The following GRID2 variants were observed in gnomAD, a reference collection of about 807,000 sequenced individuals.
GRID2 encodes the protein glutamate ionotropic receptor delta type subunit 2, also known as glutamate receptor ionotropic, delta-2.
A neutral mutation model predicts 114.8 loss-of-function variants in GRID2; 33 were observed. The observed-to-expected ratio is 0.29, with a 90% confidence interval of 0.22 to 0.38. The LOEUF (loss-of-function observed/expected upper bound fraction) is 0.38. GRID2 is among the 10% of genes least tolerant of loss of function. The probability of loss-of-function intolerance (pLI) is 1.00; values close to 1 mark genes in which losing one functional copy is unlikely to be tolerated. For synonymous variants in GRID2, 505 were observed against 449.9 expected, an observed-to-expected ratio of 1.12 and a Z score of -1.55; for missense variants, 1,184 against 1,257.7, an observed-to-expected ratio of 0.94 and a Z score of 0.89.
Position 93,371,008 on chromosome 4 carries a change from C to T in GRID2, c.1246-24599C>T, listed in dbSNP as rs1040608145. Reference sequence around the variant, plus strand: ...CAAATTAAGCAAAATACTTCTAGGACCAGGAACTCAATATGGAGACACTCC... The same window carrying T: ...CAAATTAAGCAAAATACTTCTAGGATCAGGAACTCAATATGGAGACACTCC... On this transcript the variant is annotated intron_variant, in intron 8 of 15. Coordinates refer to ENST00000282020, the MANE Select transcript of GRID2 (RefSeq NM_001510.4). 3.3e-5 allele frequency among the ~76,000 whole-genome samples: 5 copies of T among 152,200 alleles called. No homozygotes were observed. The South Asian group carries it at 8.3e-4, about 25-fold the overall frequency.
chr4:93,004,650 T>C (rs534384015), intron 2 of GRID2, among the ~76,000 whole-genome samples: 105 of 152,110 alleles, frequency 6.9e-4, no homozygotes, highest in African/African-American at 2.5e-3. Flanking sequence ...ACTCTTCTAA[T>C]GAGTGTCACA....
At chr4:93,614,494 A>G (rs991579255) in intron 13 of GRID2, among the ~76,000 whole-genome samples, 1 of 152,206 alleles carries the variant, frequency 6.6e-6, no homozygotes, top group Non-Finnish European at 1.5e-5. Context: ...GTGTGTAATA[A>G]TAATTATATA....
intron 1 of GRID2, among the ~76,000 whole-genome samples, chr4:92,515,546 A>G (rs775359351): frequency 3.9e-5 from 6 of 151,900 alleles, no homozygotes; most frequent in Non-Finnish European, 8.8e-5. Context: ...ATTCCAACCA[A>G]TCAAGAAGTC....
At chr4:93,083,695 C>CAAAAAA (rs34205612) in intron 2 of GRID2, among the ~76,000 whole-genome samples, 2 of 75,726 alleles carry the variant, frequency 2.6e-5, no homozygotes, top group Admixed American at 1.5e-4. Context: ...GACTCCATCT[C>CAAAAAA]AAAAAAAAAA....
intron 12 of GRID2, among the ~76,000 whole-genome samples, chr4:93,496,176 G>A (rs557365170): frequency 1.1e-4 from 17 of 150,002 alleles, no homozygotes; most frequent in African/African-American, 2.4e-4. Flanking sequence ...AAAAGATGTC[G>A]AAGGACAAAG....
intron 8 of GRID2, among the ~76,000 whole-genome samples, chr4:93,296,423 A>C (rs1331194959): frequency 2.0e-5 from 3 of 151,774 alleles, no homozygotes; most frequent in Non-Finnish European, 4.4e-5. Flanking sequence ...CTAGGTGGCT[A>C]TCTTTCAGCC....
At chr4:92,651,222 A>G (rs1585761) in intron 2 of GRID2, among the ~76,000 whole-genome samples, 42,090 of 152,018 alleles carry the variant, frequency 0.28, 5,919 homozygotes, top group South Asian at 0.33. Flanking sequence ...TCCATGATGG[A>G]AACAGTCCGA....
rs544053075 is a variant in GRID2 at position 92,667,737 on chromosome 4, A to G, written c.244+77451A>G. On this transcript the variant is annotated intron_variant, in intron 2 of 15. Coordinates refer to ENST00000282020, the MANE Select transcript of GRID2 (RefSeq NM_001510.4). ...TACCCCCTAGAGTGAAAAATTGTAT[A>G]CAGTGTTGGAATAAAAATTTTTAAT... 1.1e-4 allele frequency among the ~76,000 whole-genome samples: 17 copies of G among 151,802 alleles called. No individual in the cohort carries two copies. In the South Asian group the frequency reaches 3.3e-3, roughly 30 times the overall value.
intron 2 of GRID2, among the ~76,000 whole-genome samples, chr4:92,607,026 T>C (rs1182578872): frequency 2.0e-5 from 3 of 151,984 alleles, no homozygotes; most frequent in African/African-American, 7.2e-5. Context: ...AGGCAGTAAG[T>C]CTGAGCAGAA....
At chr4:92,339,175 T>C (rs1424175300) in intron 1 of GRID2, among the ~76,000 whole-genome samples, 1 of 152,156 alleles carries the variant, frequency 6.6e-6, no homozygotes, top group Admixed American at 6.5e-5. Flanking sequence ...GTATATGTGT[T>C]ATATATTCAG....
intron 2 of GRID2, among the ~76,000 whole-genome samples, chr4:93,068,758 G>C (rs1005020544): frequency 3.3e-5 from 5 of 151,842 alleles, no homozygotes; most frequent in African/African-American, 1.2e-4. Context: ...GGGGAGGTGT[G>C]GGGGAAGAGA....
intron 1 of GRID2, among the ~76,000 whole-genome samples, chr4:92,418,159 G>A (rs1731713911): frequency 6.6e-6 from 1 of 152,124 alleles, no homozygotes; most frequent in East Asian, 1.9e-4. Flanking sequence ...GTTCATACAT[G>A]CTTCTCTGAA....
intron 4 of GRID2, among the ~76,000 whole-genome samples, chr4:93,188,567 A>G (rs972944814): frequency 2.0e-5 from 3 of 152,186 alleles, no homozygotes; most frequent in Non-Finnish European, 4.4e-5. Context: ...CCACCAATCC[A>G]TAGTAACCTT....
At chr4:92,752,249 A>G (rs1304668689) in intron 2 of GRID2, among the ~76,000 whole-genome samples, 7 of 152,222 alleles carry the variant, frequency 4.6e-5, no homozygotes, top group Non-Finnish European at 1.0e-4. Context: ...AATCCTTTGA[A>G]GCAAGATGTA....
chr4:93,058,111 C>CAGTGAAGTTTCAAGTAAACCTCTCA (rs6148572), intron 2 of GRID2, among the ~76,000 whole-genome samples: 1 of 151,204 alleles, frequency 6.6e-6, no homozygotes, highest in Non-Finnish European at 1.5e-5. Context: ...TTGCCAGATT[C>CAGTGAAGTTTCAAGTAAACCTCTCA]AGTGAAGTTT....
chr4:92,954,029 A>T (rs1752209988), intron 2 of GRID2, among the ~76,000 whole-genome samples: 1 of 152,184 alleles, frequency 6.6e-6, no homozygotes, highest in African/African-American at 2.4e-5. Flanking sequence ...ATATTTTAAC[A>T]GTTTTCTCAT....
At chr4:92,457,078 A>G (rs922663584) in intron 1 of GRID2, among the ~76,000 whole-genome samples, 2 of 152,086 alleles carry the variant, frequency 1.3e-5, no homozygotes, top group African/African-American at 2.4e-5. Context: ...TATAGTTTCT[A>G]GATATTCTAG....
At chr4:93,063,108 A>G (rs1191391945) in intron 2 of GRID2, among the ~76,000 whole-genome samples, 1 of 151,926 alleles carries the variant, frequency 6.6e-6, no homozygotes, top group Non-Finnish European at 1.5e-5. Flanking sequence ...CACTCTCTTT[A>G]TTTTGAAATA....
chr4:92,623,115 G>T (rs1253699633), intron 2 of GRID2, among the ~76,000 whole-genome samples: 1 of 151,332 alleles, frequency 6.6e-6, no homozygotes, highest in Non-Finnish European at 1.5e-5. Context: ...AAGATTTCAG[G>T]CTGATTATCT....
Sources: allele counts gnomAD v4.1 joint callset (sites outside exome capture counted in the v4.1 genomes callset), GRCh38; gene constraint gnomAD v4.1.1; transcripts MANE v1.5; gene names NCBI Gene and HGNC (gene_info 2026-07-23, HGNC 2026-07-21).